The following RAB34 variants were observed in gnomAD, a reference collection of about 807,000 sequenced individuals.
RAB34 encodes the protein ras-related protein Rab-34.
RAB34 carries 33 observed loss-of-function variants against 39.0 expected under a neutral mutation model. The ratio of observed to expected loss-of-function variants is 0.85; its 90% CI spans 0.64 to 1.13. The LOEUF is 1.13. RAB34 is among the 50% of genes most tolerant of loss of function. RAB34 has a pLI of 0.00. For synonymous variants in RAB34, 135 were observed against 125.1 expected, an observed-to-expected ratio of 1.08 and a Z score of -0.53; for missense variants, 289 against 326.1, an observed-to-expected ratio of 0.89 and a Z score of 0.88.
At position 28,717,510 on chromosome 17, in the gene RAB34, A is replaced by G; in HGVS notation, c.-244T>C. On this transcript the variant is annotated 5_prime_UTR_variant, in exon 1 of 10. Transcript: ENST00000395245. Reference sequence around the variant, plus strand: ...ATCACCCGGGCCCTGGGCGTCCCGAAGATGACTCTGGGGCGAGGAGACTCT... The same window carrying G: ...ATCACCCGGGCCCTGGGCGTCCCGAGGATGACTCTGGGGCGAGGAGACTCT... The G allele has an allele frequency of 1.4e-6, 2 of 1,430,416 alleles. No homozygotes were observed. Among genetic ancestry groups the G allele is most frequent in the Non-Finnish European group, 1.8e-6 (2 of 1,094,860 alleles). 88.6% of individuals were successfully genotyped at this position (1,430,416 alleles called of 1,614,324 possible). A position where few individuals can be genotyped will look rare whatever the true frequency, so the allele number is the denominator to read the frequency against.
chr17:28,714,832 G>C lies in RAB34; in HGVS notation c.673C>G (p.Leu225Val), dbSNP rs1237999268. The change falls in exon 9 of 10, where the codon CTG (leucine) becomes GTG (valine). Residue 225 changes from leucine to valine, a missense_variant. Leu to Val is a conservative substitution (Grantham distance 32). Coordinates refer to ENST00000395245, the MANE Select transcript of RAB34 (RefSeq NM_031934.6). ...ATGCGTCGAGCCCCCGATTTCTCCA[G>C]CTCAGCCAGCACATTGGCCTCAAAG... ...LTFEANVLAE[L>V]EKSGARRIGD... 2.5e-6 allele frequency: 4 copies of C among 1,614,040 alleles called. No individual in the cohort carries two copies. The African/African-American group carries it at 5.3e-5, about 22-fold the overall frequency.
At position 28,717,045 on chromosome 17, in the gene RAB34, C is replaced by T. The variant is rs147789999; in HGVS notation, c.55-51G>A. On this transcript the variant is annotated intron_variant, in intron 1 of 9. Transcript: ENST00000395245. The stretch of plus-strand genomic sequence containing the variant: ...GGAGCTTCCTACTCCTGGCCCTTGT[C>T]CCGCAGCCAAGCGGCCCGGGTAGGG... 3,446 of 1,599,478 alleles carry T rather than the reference C, an allele frequency of 2.2e-3. 9 individuals carry two copies. Among genetic ancestry groups the T allele is most frequent in the Non-Finnish European group, 2.7e-3 (3,135 of 1,171,128 alleles).
intron 1 of RAB34, 23 bp downstream of exon 1, chr17:28,717,190 C>T (rs758543216): frequency 8.8e-6 from 14 of 1,588,372 alleles, no homozygotes; most frequent in Non-Finnish European, 1.2e-5. Flanking sequence ...TAGACTGAAG[C>T]CCGACGTGGC....
chr17:28,717,364 G>A lies in RAB34; in HGVS notation c.-98C>T. 1 of 1,530,558 alleles carries A rather than the reference G, an allele frequency of 6.5e-7. No individual in the cohort carries two copies. Among genetic ancestry groups the A allele is most frequent in the Admixed American group, 2.0e-5 (1 of 50,590 alleles). The allele number at this position is 1,530,558 out of a possible 1,614,324, so 94.8% of individuals were successfully genotyped here. A position where few individuals can be genotyped will look rare whatever the true frequency, so the allele number is the denominator to read the frequency against. On this transcript the variant is annotated 5_prime_UTR_variant, in exon 1 of 10. Transcript: ENST00000395245. Reference sequence around the variant, plus strand: ...GAGACCCGACGATCACCCGCGGCCGGGGTGTCCCGACTACAACTCGGGGCC... The same window carrying A: ...GAGACCCGACGATCACCCGCGGCCGAGGTGTCCCGACTACAACTCGGGGCC...
In RAB34 at chr17:28,717,836, A is replaced by C; in HGVS notation, c.-570T>G. ...GGCCCAGTCCGGCTACAGGGCCTCG[A>C]GTCCCACTCCGCTCGGGCTCCGCCA... On this transcript the variant is annotated 5_prime_UTR_variant, in exon 1 of 10. Transcript: ENST00000395245. The C allele has an allele frequency of 7.5e-7, 1 of 1,339,728 alleles. No homozygotes were observed. Among genetic ancestry groups the C allele is most frequent in the Non-Finnish European group, 9.5e-7 (1 of 1,052,418 alleles). 83.0% of individuals were successfully genotyped at this position (1,339,728 alleles called of 1,614,324 possible).
rs779173114 is a variant in RAB34 at position 28,717,214 on chromosome 17, TG to T, written c.52del (p.Gln18SerfsTer3). 4 of 1,603,268 alleles carry T rather than the reference TG, an allele frequency of 2.5e-6. No individual in the cohort carries two copies. Among genetic ancestry groups the T allele is most frequent in the Non-Finnish European group, 8.5e-7 (1 of 1,177,736 alleles). On this transcript the variant is annotated frameshift_variant and splice_region_variant, in exon 1 of 10. Transcript: ENST00000395245. LOFTEE classifies it high-confidence loss of function. Reference sequence around the variant, plus strand: ...GCCCGACGTGGCCCCGGCGCCTACCTGGGGCAGCTCCGCCAGGACGCGATCC... The same window carrying T: ...GCCCGACGTGGCCCCGGCGCCTACCTGGGCAGCTCCGCCAGGACGCGATCC... ...RRDRVLAELP[Q>X]CLRKEAALHG...
Position 28,717,253 on chromosome 17 carries a change from G to T in RAB34, c.14C>A (p.Ala5Glu). 6.2e-7 allele frequency: 1 copy of T among 1,605,958 alleles called. No homozygotes were observed. Residue 5 changes from alanine to glutamate, a missense_variant, in exon 1 of 10, where the codon GCA (alanine) becomes GAA (glutamate). Coordinates refer to ENST00000395245, the MANE Select transcript of RAB34 (RefSeq NM_031934.6). Reference sequence around the variant, plus strand: ...CAGGACGCGATCCCTCCGCACGGGTGCCAGAATGTTCATCCTGCCTGCGGC... The same window carrying T: ...CAGGACGCGATCCCTCCGCACGGGTTCCAGAATGTTCATCCTGCCTGCGGC... MNIL[A>E]PVRRDRVLAE... is the part of the protein sequence containing the mutation.
chr17:28,717,939 G>GGCCCCC, upstream of RAB34: 1 of 1,206,602 alleles, frequency 8.3e-7, no homozygotes, highest in Non-Finnish European at 1.1e-6. Flanking sequence ...AGGCCTCGCT[G>GGCCCCC]CCCGCCCTCG....
rs1047307053 is a variant in RAB34, at chr17:28,717,479, C to G, written c.-213G>C. 1 of 1,441,988 alleles carries G rather than the reference C, an allele frequency of 6.9e-7. No individual in the cohort carries two copies. The highest frequency in any genetic ancestry group is 2.6e-5 in the East Asian group (1 of 38,842). The allele number at this position is 1,441,988 out of a possible 1,614,324, so 89.3% of individuals were successfully genotyped here. On this transcript the variant is annotated 5_prime_UTR_variant, in exon 1 of 10. Transcript: ENST00000395245. ...AACAATCACCCGGGGCCGCGGCGAG[C>G]CCAAAATCACCCGGGCCCTGGGCGT...
intron 5 of RAB34, 53 bp from the exon 6 acceptor site, chr17:28,715,560 A>T (rs2033240539): frequency 1.9e-6 from 3 of 1,613,876 alleles, no homozygotes; most frequent in South Asian, 2.2e-5. Flanking sequence ...ACTACTGCTC[A>T]TTTCCCCAAT....
Position 28,717,617 on chromosome 17 carries a change from G to A in RAB34, c.-351C>T. 2 of 1,393,090 alleles carry A rather than the reference G, an allele frequency of 1.4e-6. No individual in the cohort carries two copies. Among genetic ancestry groups the A allele is most frequent in the South Asian group, 1.6e-5 (1 of 62,052 alleles). The allele number at this position is 1,393,090 out of a possible 1,614,324, so 86.3% of individuals were successfully genotyped here. On this transcript the variant is annotated 5_prime_UTR_variant, in exon 1 of 10. Transcript: ENST00000395245. Reference sequence around the variant, plus strand: ...CCCTACGATTACGCGGGGCCGGATAGTTCCTACGATTACGCGGGGCCGGAT... The same window carrying A: ...CCCTACGATTACGCGGGGCCGGATAATTCCTACGATTACGCGGGGCCGGAT...
chr17:28,715,302 G>T lies in RAB34; in HGVS notation c.432-26C>A, dbSNP rs1202254130. On this transcript the variant is annotated intron_variant, in intron 6 of 9. Transcript: ENST00000395245. ...CTGCCATGGGAGGTGGAAAGTAAGG[G>T]ATGAGTGAGTCTGCAGGGCCCCTCC... The T allele has an allele frequency of 1.9e-6, 3 of 1,606,992 alleles. No homozygotes were observed. In the African/African-American group the frequency reaches 4.0e-5, roughly 21 times the overall value.
chr17:28,717,044 T>C, intron 1 of RAB34, 50 bp from the exon 2 acceptor site: 2 of 1,600,076 alleles, frequency 1.2e-6, no homozygotes, highest in African/African-American at 1.3e-5. Flanking sequence ...CTGGCCCTTG[T>C]CCCGCAGCCA....
rs372606526 is a variant in RAB34 at position 28,716,075 on chromosome 17, T to C, written c.147-17A>G. 1.1e-5 allele frequency: 18 copies of C among 1,612,492 alleles called. No homozygotes were observed. Among genetic ancestry groups the C allele is most frequent in the Middle Eastern group, 1.7e-4 (1 of 5,794 alleles). ...ATCTTAAATCTGCTGGACACAAGAG[T>C]GGGCAAGGGGAGTGGGCACGAGCTC... On this transcript the variant is annotated splice_polypyrimidine_tract_variant and intron_variant, in intron 2 of 9. Coordinates refer to ENST00000395245, the MANE Select transcript of RAB34 (RefSeq NM_031934.6).
chr17:28,717,325 G>A lies in RAB34; in HGVS notation c.-59C>T, dbSNP rs755304855. On this transcript the variant is annotated 5_prime_UTR_variant, in exon 1 of 10. Coordinates refer to ENST00000395245, the MANE Select transcript of RAB34 (RefSeq NM_031934.6). ...GCGCCGAGGCCGGATCCGCGTCAGC[G>A]ACCCGGGCGCGTGGAGACCCGACGA... 1,419 of 1,544,828 alleles carry A rather than the reference G, an allele frequency of 9.2e-4. 1 individual carries two copies. Among genetic ancestry groups the A allele is most frequent in the Non-Finnish European group, 1.2e-3 (1,323 of 1,149,586 alleles).
chr17:28,718,052 A>G, upstream of RAB34: 1 of 1,440,304 alleles, frequency 6.9e-7, no homozygotes. Context: ...GAGCCTATCC[A>G]GATAGGGACT....
chr17:28,714,661 C>A lies in RAB34; in HGVS notation c.762G>T (p.Lys254Asn), dbSNP rs771331213. The A allele has an allele frequency of 6.2e-7, 1 of 1,614,116 alleles. No individual in the cohort carries two copies. Among genetic ancestry groups the A allele is most frequent in the Non-Finnish European group, 8.5e-7 (1 of 1,180,008 alleles). The change falls in exon 10 of 10, where the codon AAG becomes AAT. Residue 254 changes from lysine (K) to asparagine (N), a missense_variant. Coordinates refer to ENST00000395245, the MANE Select transcript of RAB34 (RefSeq NM_031934.6). ...TCAGCCCTCATGGGCAACATGTGGG[C>A]TTCTTCTTGCTGGCAGTTAGGTAGA... is the stretch of plus-strand genomic sequence containing the variant. Reference protein sequence around the residue: ...SNLYLTASKKKPTCCP With the variant: ...SNLYLTASKKNPTCCP
upstream of RAB34, chr17:28,717,976 G>A (rs375502821): frequency 9.8e-5 from 121 of 1,231,480 alleles, no homozygotes; most frequent in African/African-American, 1.8e-3. Flanking sequence ...ACCCTTCTGC[G>A]TTGCCCCGCT....
In RAB34 at chr17:28,715,022, T is replaced by TC; in HGVS notation, c.604+9dup. ...AGTGTCACAGCAGAGCCCTAAAGCC[T>TC]CCAACTCACCAGTGAGAGATGAGAC... On this transcript the variant is annotated intron_variant, in intron 8 of 9. Coordinates refer to ENST00000395245, the MANE Select transcript of RAB34 (RefSeq NM_031934.6). The TC allele has an allele frequency of 6.2e-7, 1 of 1,613,116 alleles. No individual in the cohort carries two copies. The highest frequency in any genetic ancestry group is 2.2e-5 in the East Asian group (1 of 44,878).
Sources: gnomAD v4.1 joint callset for allele counts on GRCh38, gnomAD v4.1.1 for gene constraint, MANE v1.5 for transcripts, NCBI Gene and HGNC (gene_info 2026-07-23, HGNC 2026-07-21) for gene names.